Variants in RFFL observed in about 807,000 individuals in gnomAD.
The protein encoded by RFFL is E3 ubiquitin-protein ligase rififylin.
In RFFL, 16 loss-of-function variants were observed where a neutral mutation model predicts 40.4. The observed-to-expected ratio is 0.40, with a 90% CI of 0.27 to 0.60. The LOEUF (loss-of-function observed/expected upper bound fraction) is 0.60, where lower values mean the gene tolerates loss of function less well. Among genes scored for constraint, RFFL ranks in the 20% least tolerant of loss-of-function variants. The pLI is 0.47. For missense variants in RFFL, 367 were observed against 451.7 expected (o/e 0.81, Z 1.70); for synonymous variants, 154 against 167.9 (o/e 0.92, Z 0.64).
At chr17:35,082,012 G>A (rs1006578183) in intron 1 of RFFL, among the ~76,000 whole-genome samples, 1 of 152,102 alleles carries the variant, frequency 6.6e-6, no homozygotes, top group African/African-American at 2.4e-5. Flanking sequence ...ATTCAATATA[G>A]AAAATAAATA....
At chr17:35,062,024 G>A (rs1056083614) in intron 1 of RFFL, among the ~76,000 whole-genome samples, 3 of 151,988 alleles carry the variant, frequency 2.0e-5, no homozygotes, top group African/African-American at 7.2e-5. Flanking sequence ...TTAAGGCAAT[G>A]ACAGTGGGAA....
At chr17:35,078,258 AG>A (rs1234277493) in intron 1 of RFFL, among the ~76,000 whole-genome samples, 1 of 152,180 alleles carries the variant, frequency 6.6e-6, no homozygotes, top group African/African-American at 2.4e-5. Context: ...ATAAAAAAAA[AG>A]GTCACGATTT....
intron 2 of RFFL, among the ~76,000 whole-genome samples, chr17:35,024,472 A>T (rs1488796636): frequency 6.6e-6 from 1 of 151,924 alleles, no homozygotes; most frequent in Non-Finnish European, 1.5e-5. Context: ...TCCCTCCAAA[A>T]CCGTCAGGGT....
chr17:35,018,286 C>G (rs1254148398), intron 3 of RFFL, among the ~76,000 whole-genome samples: 1 of 152,176 alleles, frequency 6.6e-6, no homozygotes, highest in African/African-American at 2.4e-5. Context: ...TTTAATGTAT[C>G]TAAGAATCTA....
At position 35,009,050 on chromosome 17, in the gene RFFL, A is replaced by C. The variant is rs897719677; in HGVS notation, c.*2918T>G. On this transcript the variant is annotated 3_prime_UTR_variant, in exon 7 of 7. Coordinates refer to ENST00000394597, the MANE Select transcript of RFFL (RefSeq NM_001017368.2). ...CTAAAGTGTGGAAATTATAGCATGAACCACTGTCAGGCTCTTTTGTCAGTC... is the reference window on the plus strand; with the variant it reads ...CTAAAGTGTGGAAATTATAGCATGACCCACTGTCAGGCTCTTTTGTCAGTC... 1 of 152,604 alleles carries C rather than the reference A, an allele frequency of 6.6e-6. No homozygotes were observed. Among genetic ancestry groups the C allele is most frequent in the Admixed American group, 6.5e-5 (1 of 15,286 alleles). 9.5% of individuals were successfully genotyped at this position (152,604 alleles called of 1,614,324 possible).
chr17:35,023,128 A>C (rs2091019861), intron 2 of RFFL, among the ~76,000 whole-genome samples: 1 of 152,206 alleles, frequency 6.6e-6, no homozygotes, highest in African/African-American at 2.4e-5. Flanking sequence ...TAATCCTTTA[A>C]AGAAGTTAAA....
rs2090923012 is a variant in RFFL at position 35,009,626 on chromosome 17, C to G, written c.*2342G>C. The G allele has an allele frequency of 6.7e-6, 1 of 149,932 alleles. No homozygotes were observed. The highest frequency in any genetic ancestry group is 1.5e-5 in the Non-Finnish European group (1 of 67,664). 9.3% of individuals were successfully genotyped at this position (149,932 alleles called of 1,614,324 possible). On this transcript the variant is annotated 3_prime_UTR_variant, in exon 7 of 7. Coordinates refer to ENST00000394597, the MANE Select transcript of RFFL (RefSeq NM_001017368.2). ...TCAGGGTTGTTTGACACCTTTTTTC[C>G]TAAAGGGAAACCTTCACCAAAAGGG...
Position 35,009,446 on chromosome 17 carries a change from T to C in RFFL, c.*2522A>G, listed in dbSNP as rs1597808416. On this transcript the variant is annotated 3_prime_UTR_variant, in exon 7 of 7. Transcript: ENST00000394597. The stretch of plus-strand genomic sequence containing the variant: ...ATTCTAAGAATTAGATGTTTCCATA[T>C]CATTAAAACCAAGGATCCATGAGGG... The C allele has an allele frequency of 3.9e-5, 6 of 152,244 alleles. 1 individual carries two copies. The highest frequency in any genetic ancestry group is 3.9e-4 in the Admixed American group (6 of 15,298). 9.4% of individuals were successfully genotyped at this position (152,244 alleles called of 1,614,324 possible).
At position 35,010,150 on chromosome 17, in the gene RFFL, C is replaced by G. The variant is rs2090927127; in HGVS notation, c.*1818G>C. The G allele has an allele frequency of 6.6e-6, 1 of 152,224 alleles. No individual in the cohort carries two copies. The highest frequency in any genetic ancestry group is 6.5e-5 in the Admixed American group (1 of 15,280). 9.4% of individuals were successfully genotyped at this position (152,224 alleles called of 1,614,324 possible). ...GTGATGGAAGAAAGCATAAATATGT[C>G]TGTACCAATGTAATAAGTCCCTTTA... On this transcript the variant is annotated 3_prime_UTR_variant, in exon 7 of 7. Coordinates refer to ENST00000394597, the MANE Select transcript of RFFL (RefSeq NM_001017368.2).
chr17:35,021,334 T>A (rs746042301), intron 3 of RFFL, 37 bp downstream of exon 3: 2 of 1,505,842 alleles, frequency 1.3e-6, no homozygotes, highest in Non-Finnish European at 1.8e-6. Flanking sequence ...GCCCTCAAAC[T>A]GGCACAGACT....
intron 3 of RFFL, 54 bp from the exon 4 acceptor site, chr17:35,017,660 A>G: frequency 8.4e-7 from 1 of 1,186,604 alleles, no homozygotes; most frequent in Admixed American, 1.9e-5. Context: ...AGATCTGCAT[A>G]GCATGGGCCT....
Position 35,062,753 on chromosome 17 carries a change from G to A in RFFL, c.-9+823C>T, listed in dbSNP as rs1183796062. ...TGTTGGAATTATAAGGAGCAGAAAC[G>A]TAATTTGGAGGGTGACGACTACCTA... is the stretch of plus-strand genomic sequence containing the variant. On this transcript the variant is annotated intron_variant, in intron 1 of 6. Coordinates refer to ENST00000394597, the MANE Select transcript of RFFL (RefSeq NM_001017368.2). Among the ~76,000 whole-genome samples, 8 of 152,288 alleles carry A rather than the reference G, an allele frequency of 5.3e-5. No individual in the cohort carries two copies. In the East Asian group the frequency reaches 7.7e-4, roughly 15 times the overall value.
Position 35,026,389 on chromosome 17 carries a change from T to G in RFFL, c.165A>C (p.Ala55=). 1 of 1,613,892 alleles carries G rather than the reference T, an allele frequency of 6.2e-7. No homozygotes were observed. Residue 55 remains alanine (A), a synonymous_variant, in exon 2 of 7, where the codon GCA becomes GCC. Coordinates refer to ENST00000394597, the MANE Select transcript of RFFL (RefSeq NM_001017368.2). ...PSCKSCGAHF[A]NTARKQTCLD... ...CAGCACTCACCTTCCTGGCCGTGTT[T>G]GCAAAGTGAGCCCCACAGGACTTGC...
intron 1 of RFFL, among the ~76,000 whole-genome samples, chr17:35,034,402 C>T (rs1228621148): frequency 1.3e-5 from 2 of 151,984 alleles, no homozygotes; most frequent in Middle Eastern, 3.2e-3. Flanking sequence ...ACTTTTGTTC[C>T]ACACAAGGAA....
chr17:35,068,692 T>C (rs2142375477), upstream of RFFL, among the ~76,000 whole-genome samples: 1 of 152,256 alleles, frequency 6.6e-6, no homozygotes, highest in Admixed American at 6.5e-5. Context: ...TCAGGCACAA[T>C]GAAATACTAG....
intron 1 of RFFL, among the ~76,000 whole-genome samples, chr17:35,071,197 C>CAAA (rs548193599): frequency 1.9e-5 from 1 of 53,198 alleles, no homozygotes; most frequent in Non-Finnish European, 4.1e-5. Context: ...GACTCCAACT[C>CAAA]AAAAAAAAAA....
chr17:35,011,006 A>G lies in RFFL; in HGVS notation c.*962T>C, dbSNP rs990925227. ...CTCTTTGCCTAAATCTATTTCTTCA[A>G]TGAAACCAAATTTAAAACTACCATG... On this transcript the variant is annotated 3_prime_UTR_variant, in exon 7 of 7. Transcript: ENST00000394597. 1.3e-5 allele frequency: 2 copies of G among 152,212 alleles called. No individual in the cohort carries two copies. The highest frequency in any genetic ancestry group is 3.9e-4 in the East Asian group (2 of 5,184). 9.4% of individuals were successfully genotyped at this position (152,212 alleles called of 1,614,324 possible).
rs147361596 is a variant in RFFL at position 35,027,583 on chromosome 17, G to A, written c.-8-1022C>T. On this transcript the variant is annotated intron_variant, in intron 1 of 6. Transcript: ENST00000394597. The stretch of plus-strand genomic sequence containing the variant: ...CTACTAAAAATACAAAATTAGCAGG[G>A]TGTGGTGGCGCATGCCTGAAATCCC... 2.6e-3 allele frequency among the ~76,000 whole-genome samples: 400 copies of A among 152,172 alleles called. 2 individuals carry two copies. Among genetic ancestry groups the A allele is most frequent in the South Asian group, 0.015 (71 of 4,828 alleles).
At chr17:35,065,240 G>C (rs1283579191), upstream of RFFL, among the ~76,000 whole-genome samples, 1 of 151,916 alleles carries the variant, frequency 6.6e-6, no homozygotes, top group Non-Finnish European at 1.5e-5. Flanking sequence ...AAAAGCTCCT[G>C]ACCTGTTCTG....
Sources: allele counts gnomAD v4.1 joint callset (sites outside exome capture counted in the v4.1 genomes callset), GRCh38; gene constraint gnomAD v4.1.1; transcripts MANE v1.5; gene names NCBI Gene and HGNC (gene_info 2026-07-23, HGNC 2026-07-21).